ZDHHC11B: variants seen among roughly 807,000 people sequenced by gnomAD.
The protein encoded by ZDHHC11B is zDHHC palmitoyltransferase 11B (putative), also known as probable palmitoyltransferase ZDHHC11B.
Under a neutral mutation model 42.3 loss-of-function variants are expected in ZDHHC11B, and 17 were observed. That is an observed-to-expected ratio of 0.40 (90% CI 0.27 to 0.60). The LOEUF (loss-of-function observed/expected upper bound fraction) is 0.60. ZDHHC11B is among the 20% of genes least tolerant of loss of function. The pLI is 0.41. For synonymous variants in ZDHHC11B, 123 were observed against 193.5 expected (o/e 0.64, Z 3.02); for missense variants, 262 against 463.2 (o/e 0.57, Z 3.99).
chr5:761,190 C>T (rs1313502417), intron 4 of ZDHHC11B, among the ~76,000 whole-genome samples: 1 of 151,888 alleles, frequency 6.6e-6, no homozygotes, highest in Non-Finnish European at 1.5e-5. Context: ...TGTCTTCTCA[C>T]CTGCCATGAA....
chr5:769,419 G>C (rs1326368875), intron 1 of ZDHHC11B, among the ~76,000 whole-genome samples: 1 of 146,776 alleles, frequency 6.8e-6, no homozygotes, highest in East Asian at 2.0e-4. Flanking sequence ...ATGGATCAAC[G>C]GTCCATCCTC....
intron 12 of ZDHHC11B, among the ~76,000 whole-genome samples, chr5:724,171 T>G (rs1742391082): frequency 6.6e-6 from 1 of 151,288 alleles, no homozygotes; most frequent in South Asian, 2.1e-4. Flanking sequence ...GACGTCTGCA[T>G]GTGTCTCCAA....
chr5:745,994 C>G (rs961178679), intron 8 of ZDHHC11B, among the ~76,000 whole-genome samples: 7 of 150,002 alleles, frequency 4.7e-5, no homozygotes, highest in Non-Finnish European at 1.0e-4. Flanking sequence ...CAGGACAGCT[C>G]AGCAGGCCGG....
chr5:782,714 TCTC>T (rs1736953028), intron 1 of ZDHHC11B, among the ~76,000 whole-genome samples: 1 of 19,878 alleles, frequency 5.0e-5, no homozygotes, highest in Non-Finnish European at 1.2e-4. Context: ...TTCAGGAAGT[TCTC>T]CTGAGCCCTG....
At chr5:783,685 C>CA in intron 1 of ZDHHC11B, among the ~76,000 whole-genome samples, 1 of 143,748 alleles carries the variant, frequency 7.0e-6, no homozygotes, top group Non-Finnish European at 1.5e-5. Context: ...CCCCAAACCC[C>CA]TATCAAAACA....
Position 780,571 on chromosome 5 carries a change from G to A in ZDHHC11B, c.-230+4097C>T, listed in dbSNP as rs1327245339. Among the ~76,000 whole-genome samples the A allele has an allele frequency of 1.5e-5, 2 of 137,320 alleles. 1 individual carries two copies. The highest frequency in any genetic ancestry group is 1.4e-4 in the Admixed American group (2 of 13,984). The allele number at this position is 137,320 out of a possible 152,430, so 90.1% of individuals were successfully genotyped here. On this transcript the variant is annotated intron_variant, in intron 1 of 13. Transcript: ENST00000508859. ...AGTGCTCAGGAATTGCAGCTTCGAC[G>A]GGAAAACGGACGGTAAGACCCCATC... is the stretch of plus-strand genomic sequence containing the variant.
At chr5:720,304 C>T (rs1259011468) in intron 12 of ZDHHC11B, among the ~76,000 whole-genome samples, 1 of 151,752 alleles carries the variant, frequency 6.6e-6, no homozygotes, top group Non-Finnish European at 1.5e-5. Flanking sequence ...TCAAGAGATC[C>T]TTAATAAAAT....
chr5:778,571 G>A (rs1310624919), intron 1 of ZDHHC11B, among the ~76,000 whole-genome samples: 5 of 151,820 alleles, frequency 3.3e-5, no homozygotes, highest in Non-Finnish European at 1.5e-5. Flanking sequence ...CCCACTCACT[G>A]CCCTTGGGTT....
At chr5:718,886 G>A (rs1217957077) in intron 12 of ZDHHC11B, among the ~76,000 whole-genome samples, 8 of 151,632 alleles carry the variant, frequency 5.3e-5, no homozygotes, top group Non-Finnish European at 1.2e-4. Context: ...ATAAATTTGA[G>A]GTGGTACATT....
chr5:763,373 G>GGAAA (rs1554040852), intron 4 of ZDHHC11B, among the ~76,000 whole-genome samples: 2 of 128,542 alleles, frequency 1.6e-5, no homozygotes, highest in Non-Finnish European at 1.7e-5. Flanking sequence ...CCCATCTCGG[G>GGAAA]AAAAAAAAAA....
intron 12 of ZDHHC11B, among the ~76,000 whole-genome samples, chr5:729,434 C>A (rs1249201904): frequency 6.6e-6 from 1 of 150,622 alleles, no homozygotes; most frequent in Non-Finnish European, 1.5e-5. Context: ...CCCTGTGGGG[C>A]CGGCTGGGAC....
At position 750,293 on chromosome 5, in the gene ZDHHC11B, C is replaced by G. The variant is rs528926099; in HGVS notation, c.628+840G>C. ...TCTGAGGCAGGCAGGGCTCTGACGT[C>G]CAGCTGCAGGACAGTTGAGCGCGCT... is the stretch of plus-strand genomic sequence containing the variant. On this transcript the variant is annotated intron_variant, in intron 7 of 13. Coordinates refer to ENST00000508859, the MANE Select transcript of ZDHHC11B (RefSeq NM_001351303.2). Among the ~76,000 whole-genome samples the G allele has an allele frequency of 1.2e-3, 159 of 129,790 alleles. 16 individuals are homozygous for G. Among genetic ancestry groups the G allele is most frequent in the Admixed American group, 2.5e-3 (31 of 12,570 alleles). 85.1% of individuals were successfully genotyped at this position (129,790 alleles called of 152,430 possible).
chr5:762,755 A>T (rs1320684740), intron 4 of ZDHHC11B, among the ~76,000 whole-genome samples: 2 of 151,880 alleles, frequency 1.3e-5, no homozygotes, highest in Non-Finnish European at 2.9e-5. Flanking sequence ...AGATGATAGA[A>T]AAAAAAGCAA....
chr5:755,272 G>T (rs1382935580), intron 5 of ZDHHC11B, among the ~76,000 whole-genome samples, 173 bp from the exon 6 acceptor site: 1 of 136,134 alleles, frequency 7.3e-6, no homozygotes, highest in Non-Finnish European at 1.6e-5. Context: ...GGCCTGTGGG[G>T]AGGAGGAGAA....
chr5:778,349 G>C (rs1320270394), intron 1 of ZDHHC11B, among the ~76,000 whole-genome samples: 2 of 151,236 alleles, frequency 1.3e-5, no homozygotes, highest in Non-Finnish European at 3.0e-5. Flanking sequence ...CCTTCTGTGG[G>C]GACAGCAAGG....
chr5:722,576 G>A (rs56059227), intron 12 of ZDHHC11B, among the ~76,000 whole-genome samples: 20,091 of 150,102 alleles, frequency 0.13, 1,543 homozygotes, highest in Non-Finnish European at 0.19. Flanking sequence ...TGCTGTGAGA[G>A]TGTAACATGT....
Position 767,496 on chromosome 5 carries a change from CGCA to C in ZDHHC11B, c.-108_-106del. The C allele has an allele frequency of 6.6e-7, 1 of 1,510,876 alleles. No homozygotes were observed. The highest frequency in any genetic ancestry group is 9.1e-7 in the Non-Finnish European group (1 of 1,100,696). 93.6% of individuals were successfully genotyped at this position (1,510,876 alleles called of 1,614,324 possible). A position where few individuals can be genotyped will look rare whatever the true frequency, so the allele number is the denominator to read the frequency against. ...ATGCTGAATTATTCTGCATCGAAAG[CGCA>C]GTAGTGGCACTGGAGAGAAAGGTGA... On this transcript the variant is annotated 5_prime_UTR_variant, in exon 3 of 14. Transcript: ENST00000508859.
chr5:769,628 C>G (rs1735808932), intron 1 of ZDHHC11B, among the ~76,000 whole-genome samples: 1 of 151,790 alleles, frequency 6.6e-6, no homozygotes, highest in Non-Finnish European at 1.5e-5. Context: ...CGTTTCAAAC[C>G]CAAGTGATCA....
At chr5:742,975 T>C (rs1222972527) in intron 9 of ZDHHC11B, among the ~76,000 whole-genome samples, 1 of 149,788 alleles carries the variant, frequency 6.7e-6, no homozygotes, top group Non-Finnish European at 1.5e-5. Flanking sequence ...GCTTTTAAGT[T>C]TAGGTGTCAG....
Sources: gnomAD v4.1 joint callset for allele counts (sites outside exome capture counted in the v4.1 genomes callset) on GRCh38, gnomAD v4.1.1 for gene constraint, MANE v1.5 for transcripts, NCBI Gene and HGNC (gene_info 2026-07-23, HGNC 2026-07-21) for gene names.